EYA2: variants seen among roughly 807,000 people sequenced by gnomAD.
The protein encoded by EYA2 is EYA transcriptional coactivator and phosphatase 2.
Under a neutral mutation model 69.2 loss-of-function variants are expected in EYA2, and 31 were observed. That is an observed-to-expected ratio of 0.45 (90% confidence interval 0.34 to 0.60). The LOEUF is 0.60. Ranked by LOEUF, EYA2 falls within the 20% of genes least tolerant of loss-of-function variation. The pLI is 0.02. For synonymous variants in EYA2, 257 were observed against 279.4 expected, an observed-to-expected ratio of 0.92 and a Z score of 0.80; for missense variants, 622 against 701.2, an observed-to-expected ratio of 0.89 and a Z score of 1.28.
intron 5 of EYA2, among the ~76,000 whole-genome samples, chr20:47,063,539 C>T (rs945434454): frequency 2.6e-5 from 4 of 152,130 alleles, no homozygotes; most frequent in East Asian, 3.9e-4. Flanking sequence ...TCTGCACACC[C>T]AAGTAACAAA....
At chr20:47,050,660 T>C (rs1181344789) in intron 5 of EYA2, among the ~76,000 whole-genome samples, 1 of 152,232 alleles carries the variant, frequency 6.6e-6, no homozygotes, top group African/African-American at 2.4e-5. Context: ...AAAAAGGCTT[T>C]GATCTAAAAG....
At chr20:46,910,459 C>T (rs1260362251) in intron 1 of EYA2, among the ~76,000 whole-genome samples, 2 of 152,136 alleles carry the variant, frequency 1.3e-5, no homozygotes, top group East Asian at 1.9e-4. Context: ...GGTGTGGACA[C>T]GCATCCAAAC....
At chr20:46,904,272 A>G (rs1019807263) in intron 1 of EYA2, among the ~76,000 whole-genome samples, 2 of 152,132 alleles carry the variant, frequency 1.3e-5, no homozygotes, top group African/African-American at 2.4e-5. Context: ...CACTCAATAA[A>G]TGGTAGCTTG....
At chr20:47,006,985 A>G (rs1358738534) in intron 4 of EYA2, among the ~76,000 whole-genome samples, 1 of 152,206 alleles carries the variant, frequency 6.6e-6, no homozygotes, top group Non-Finnish European at 1.5e-5. Flanking sequence ...GCCAGAGTGC[A>G]GTGGCACCAT....
intron 1 of EYA2, among the ~76,000 whole-genome samples, chr20:46,934,118 G>A (rs1985796451): frequency 1.3e-5 from 2 of 152,248 alleles, no homozygotes; most frequent in South Asian, 2.1e-4. Flanking sequence ...GGCACTGACA[G>A]TGGAGTGTCT....
chr20:47,124,227 G>C (rs546557872), intron 9 of EYA2, among the ~76,000 whole-genome samples: 1 of 152,334 alleles, frequency 6.6e-6, no homozygotes, highest in South Asian at 2.1e-4. Context: ...GTGAGGACTG[G>C]TGGTAAAGGG....
intron 9 of EYA2, among the ~76,000 whole-genome samples, chr20:47,122,106 A>G (rs948282931): frequency 2.0e-5 from 3 of 152,126 alleles, no homozygotes; most frequent in Non-Finnish European, 4.4e-5. Flanking sequence ...TGCACCCACA[A>G]TCCCAAATGG....
chr20:47,090,763 T>C (rs2032059700), intron 8 of EYA2, among the ~76,000 whole-genome samples: 1 of 152,246 alleles, frequency 6.6e-6, no homozygotes, highest in South Asian at 2.1e-4. Flanking sequence ...ATTAGATCTC[T>C]ATACTTGTCA....
At chr20:47,141,818 A>C (rs941625267) in intron 9 of EYA2, among the ~76,000 whole-genome samples, 23 of 152,232 alleles carry the variant, frequency 1.5e-4, no homozygotes, top group Non-Finnish European at 2.9e-4. Context: ...TTTTGCCCAC[A>C]TATCACTGGC....
intron 2 of EYA2, among the ~76,000 whole-genome samples, chr20:46,997,370 C>T (rs538777828): frequency 6.6e-6 from 1 of 152,348 alleles, no homozygotes; most frequent in South Asian, 2.1e-4. Context: ...TAACCCAGTT[C>T]TGAACTCATG....
At chr20:46,966,202 G>A (rs1979770318) in intron 1 of EYA2, among the ~76,000 whole-genome samples, 1 of 152,100 alleles carries the variant, frequency 6.6e-6, no homozygotes, top group Admixed American at 6.6e-5. Flanking sequence ...TGGCATCATA[G>A]CCTTGAGCTC....
At chr20:47,069,248 C>A (rs2031224347) in intron 5 of EYA2, among the ~76,000 whole-genome samples, 1 of 152,164 alleles carries the variant, frequency 6.6e-6, no homozygotes. Flanking sequence ...AATCCCAACA[C>A]TTTGGGAAGC....
At chr20:47,163,761 C>T (rs937054695) in intron 10 of EYA2, among the ~76,000 whole-genome samples, 1 of 150,046 alleles carries the variant, frequency 6.7e-6, no homozygotes, top group Non-Finnish European at 1.5e-5. Flanking sequence ...TAGGATTCCA[C>T]TGAATGGATA....
chr20:47,071,877 C>G (rs1246100556), intron 5 of EYA2: 2 of 336,562 alleles, frequency 5.9e-6, no homozygotes, highest in Admixed American at 8.0e-5. Flanking sequence ...GCCATCCGGA[C>G]AGAGGAAGAT....
intron 10 of EYA2, among the ~76,000 whole-genome samples, chr20:47,166,392 CTAAAAAAAAAAAAAAA>C: frequency 5.5e-5 from 1 of 18,314 alleles, no homozygotes; most frequent in Admixed American, 1.3e-3. Context: ...GCAAGACTGT[CTAAAAAAAAAAAAAAA>C]AAAAAAAAAA....
intron 12 of EYA2, among the ~76,000 whole-genome samples, chr20:47,178,785 G>GTGGA (rs1460898133): frequency 7.0e-6 from 1 of 142,900 alleles, no homozygotes; most frequent in African/African-American, 2.6e-5. Context: ...AGGTGGATGG[G>GTGGA]TGGATGGGTG....
intron 9 of EYA2, among the ~76,000 whole-genome samples, chr20:47,116,622 T>G (rs550665533): frequency 7.9e-5 from 12 of 152,252 alleles, no homozygotes; most frequent in Non-Finnish European, 1.5e-4. Context: ...TGCAGTGCGT[T>G]GGGCAGTGTC....
chr20:47,065,311 T>C (rs1041440871), intron 5 of EYA2, among the ~76,000 whole-genome samples: 1 of 152,226 alleles, frequency 6.6e-6, no homozygotes, highest in Non-Finnish European at 1.5e-5. Context: ...GACAAGGGCT[T>C]CTTCCCCCAT....
intron 10 of EYA2, among the ~76,000 whole-genome samples, chr20:47,156,135 T>TATAC (rs2033939818): frequency 1.2e-4 from 1 of 8,608 alleles, no homozygotes; most frequent in Non-Finnish European, 2.1e-4. Context: ...CACATATATA[T>TATAC]ATATATATAT....
Sources: gnomAD v4.1 joint callset for allele counts (sites outside exome capture counted in the v4.1 genomes callset) on GRCh38, gnomAD v4.1.1 for gene constraint, MANE v1.5 for transcripts, NCBI Gene and HGNC (gene_info 2026-07-23, HGNC 2026-07-21) for gene names.